SLC9A9: variants seen among roughly 807,000 people sequenced by gnomAD.
SLC9A9 encodes the protein solute carrier family 9 member A9.
In SLC9A9, 62 loss-of-function variants were observed where a neutral mutation model predicts 77.8. The ratio of observed to expected loss-of-function variants is 0.80; its 90% CI spans 0.65 to 0.98. The LOEUF (loss-of-function observed/expected upper bound fraction) is 0.98, where lower values mean the gene tolerates loss of function less well. Ranked by LOEUF, SLC9A9 falls within the 50% of genes least tolerant of loss-of-function variation. SLC9A9 has a pLI of 0.00. For synonymous variants in SLC9A9, 320 were observed against 283.5 expected (o/e 1.13, Z -1.29); for missense variants, 775 against 774.9 (o/e 1.00, Z 0.00).
At chr3:143,475,590 A>C (rs2035461417) in intron 11 of SLC9A9, among the ~76,000 whole-genome samples, 1 of 151,984 alleles carries the variant, frequency 6.6e-6, no homozygotes, top group South Asian at 2.1e-4. Flanking sequence ...CAGGAGATCG[A>C]GACCATCCTG....
intron 14 of SLC9A9, among the ~76,000 whole-genome samples, chr3:143,338,779 G>A (rs1314566012): frequency 6.6e-6 from 1 of 152,094 alleles, no homozygotes. Flanking sequence ...TGAGAATGGT[G>A]CCTGACACAT....
chr3:143,660,549 A>G lies in SLC9A9; in HGVS notation c.650-8189T>C, dbSNP rs117344098. ...TGTGAGACTCTGATCTAAGAACCCA[A>G]TTGAACCAACCTGGACTTCTGACCT... On this transcript the variant is annotated intron_variant, in intron 5 of 15. Coordinates refer to ENST00000316549, the MANE Select transcript of SLC9A9 (RefSeq NM_173653.4). 3.0e-4 allele frequency among the ~76,000 whole-genome samples: 45 copies of G among 152,316 alleles called. 1 individual carries two copies. The East Asian group carries it at 7.4e-3, about 25-fold the overall frequency.
At chr3:143,694,817 G>A (rs2108784025) in intron 4 of SLC9A9, among the ~76,000 whole-genome samples, 1 of 152,198 alleles carries the variant, frequency 6.6e-6, no homozygotes, top group South Asian at 2.1e-4. Context: ...AGTTGCTCTA[G>A]GTAGTCCAAA....
At chr3:143,714,966 G>T (rs553906158) in intron 4 of SLC9A9, among the ~76,000 whole-genome samples, 4 of 152,228 alleles carry the variant, frequency 2.6e-5, no homozygotes, top group South Asian at 4.1e-4. Context: ...AATAAGTCTC[G>T]TGAGATTTGT....
intron 4 of SLC9A9, among the ~76,000 whole-genome samples, chr3:143,790,868 A>G (rs2008197462): frequency 6.6e-6 from 1 of 152,172 alleles, no homozygotes; most frequent in Non-Finnish European, 1.5e-5. Context: ...AAACTGTGAA[A>G]TTTGTTTTAA....
chr3:143,508,661 A>G (rs1000504648), intron 9 of SLC9A9, among the ~76,000 whole-genome samples: 1 of 152,234 alleles, frequency 6.6e-6, no homozygotes, highest in Non-Finnish European at 1.5e-5. Flanking sequence ...AGAACTTCTC[A>G]GAAAAATTTC....
intron 2 of SLC9A9, among the ~76,000 whole-genome samples, chr3:143,810,424 C>T (rs2008833149): frequency 6.6e-6 from 1 of 152,178 alleles, no homozygotes; most frequent in Non-Finnish European, 1.5e-5. Context: ...TAGTACATTC[C>T]TTCCAAAGAG....
intron 4 of SLC9A9, among the ~76,000 whole-genome samples, chr3:143,741,051 G>C (rs1260566978): frequency 6.6e-6 from 1 of 152,104 alleles, no homozygotes; most frequent in East Asian, 1.9e-4. Flanking sequence ...ATGATTTATA[G>C]ATATGTATAT....
In SLC9A9 at chr3:143,798,451, C is replaced by T. The variant is rs540710194; in HGVS notation, c.379-1548G>A. Among the ~76,000 whole-genome samples the T allele has an allele frequency of 2.6e-5, 4 of 152,232 alleles. No homozygotes were observed. In the South Asian group the frequency reaches 8.3e-4, roughly 32 times the overall value. ...TGCTTTGGCTGCCCAGAGCTGCTCC[C>T]CACACCCTTCTCCATGTCTCTACCC... On this transcript the variant is annotated intron_variant, in intron 2 of 15. Transcript: ENST00000316549.
chr3:143,617,164 C>T (rs2038119278), intron 6 of SLC9A9, among the ~76,000 whole-genome samples: 1 of 152,190 alleles, frequency 6.6e-6, no homozygotes, highest in Non-Finnish European at 1.5e-5. Context: ...TAGAATCTAT[C>T]ATCACGTGGA....
chr3:143,737,629 A>G (rs1934974292), intron 4 of SLC9A9, among the ~76,000 whole-genome samples: 1 of 152,220 alleles, frequency 6.6e-6, no homozygotes, highest in South Asian at 2.1e-4. Flanking sequence ...TTTCCTTATT[A>G]GCTTATTAGT....
At chr3:143,826,041 T>C (rs1313388883) in intron 2 of SLC9A9, among the ~76,000 whole-genome samples, 1 of 152,120 alleles carries the variant, frequency 6.6e-6, no homozygotes, top group Non-Finnish European at 1.5e-5. Flanking sequence ...GGCAGATCAC[T>C]GGAGGTCAGG....
chr3:143,847,234 G>A (rs912489250), intron 1 of SLC9A9, among the ~76,000 whole-genome samples: 6 of 152,192 alleles, frequency 3.9e-5, no homozygotes, highest in African/African-American at 1.4e-4. Flanking sequence ...ATAAATTATA[G>A]CAATGCCTTG....
At chr3:143,420,398 T>C (rs2034275200) in intron 12 of SLC9A9, among the ~76,000 whole-genome samples, 1 of 152,192 alleles carries the variant, frequency 6.6e-6, no homozygotes, top group African/African-American at 2.4e-5. Context: ...AAAATTTTCT[T>C]AAAAAGATCC....
intron 14 of SLC9A9, among the ~76,000 whole-genome samples, chr3:143,347,268 G>C (rs2032311173): frequency 6.6e-6 from 1 of 152,060 alleles, no homozygotes; most frequent in Non-Finnish European, 1.5e-5. Context: ...AATTACTTAG[G>C]GCTTTAATAA....
At chr3:143,668,887 C>T (rs1432374277) in intron 5 of SLC9A9, among the ~76,000 whole-genome samples, 2 of 152,146 alleles carry the variant, frequency 1.3e-5, no homozygotes, top group African/African-American at 4.8e-5. Context: ...AACACAATTC[C>T]TTGTCTGTAG....
intron 2 of SLC9A9, among the ~76,000 whole-genome samples, chr3:143,814,750 G>A (rs1427132012): frequency 1.3e-5 from 2 of 152,160 alleles, no homozygotes; most frequent in African/African-American, 4.8e-5. Context: ...CTGGGGAGGA[G>A]CCGACTCTAC....
At chr3:143,809,081 A>G (rs1434658864) in intron 2 of SLC9A9, among the ~76,000 whole-genome samples, 1 of 152,204 alleles carries the variant, frequency 6.6e-6, no homozygotes, top group African/African-American at 2.4e-5. Context: ...TTGAGAATAT[A>G]TCAATGCATA....
rs2037404186 is a variant in SLC9A9, at chr3:143,578,613, C to G, written c.866G>C (p.Gly289Ala). The change falls in exon 7 of 16, where the codon GGG becomes GCG. Residue 289 changes from glycine to alanine, a missense_variant. Coordinates refer to ENST00000316549, the MANE Select transcript of SLC9A9 (RefSeq NM_173653.4). ...LGIFAGSFAM[G>A]SAYAIITALL... ...TGCTGTGATGATGGCATACGCAGAC[C>G]CCATTGCAAATGAGCCAGCGAAGAT... The G allele has an allele frequency of 1.9e-6, 3 of 1,613,910 alleles. No homozygotes were observed. Among genetic ancestry groups the G allele is most frequent in the Non-Finnish European group, 2.5e-6 (3 of 1,179,934 alleles).
Sources: gnomAD v4.1 joint callset for allele counts (sites outside exome capture counted in the v4.1 genomes callset) on GRCh38, gnomAD v4.1.1 for gene constraint, MANE v1.5 for transcripts, NCBI Gene and HGNC (gene_info 2026-07-23, HGNC 2026-07-21) for gene names.